The following ZIM2 variants were observed in gnomAD, a reference collection of about 807,000 sequenced individuals.
ZIM2 encodes the protein zinc finger imprinted 2, also known as zinc finger protein 656.
In ZIM2, 14 loss-of-function variants were observed where a neutral mutation model predicts 38.6. The ratio of observed to expected loss-of-function variants is 0.36; its 90% confidence interval spans 0.24 to 0.57. The LOEUF is 0.57. Ranked by LOEUF, ZIM2 falls within the 20% of genes least tolerant of loss-of-function variation. The pLI is 0.81. For missense variants in ZIM2, 680 were observed against 695.1 expected (o/e 0.98, Z 0.24); for synonymous variants, 247 against 245.8 (o/e 1.00, Z -0.04).
At chr19:56,823,459 C>A (rs907897154) in intron 5 of ZIM2, 131 bp downstream of exon 5, 5 of 947,796 alleles carry the variant, frequency 5.3e-6, no homozygotes, top group Non-Finnish European at 8.2e-6. Flanking sequence ...ACCCTCTCCT[C>A]AGATCTCTGA....
intron 1 of ZIM2, among the ~76,000 whole-genome samples, chr19:56,838,613 G>C (rs894783285): frequency 3.9e-5 from 6 of 152,192 alleles, no homozygotes; most frequent in Non-Finnish European, 1.5e-5. Flanking sequence ...CTCTGCCACC[G>C]TTAGCCAAAA....
intron 3 of ZIM2, chr19:56,824,756 G>C (rs961726487): frequency 3.5e-6 from 4 of 1,140,040 alleles, no homozygotes; most frequent in Non-Finnish European, 5.0e-6. Context: ...GGATCGTAAG[G>C]AGATATACAC....
At chr19:56,806,836 TGCA>T (rs1275652686) in intron 9 of ZIM2, among the ~76,000 whole-genome samples, 5 of 152,176 alleles carry the variant, frequency 3.3e-5, no homozygotes, top group Admixed American at 2.0e-4. Context: ...CATGTGAGGA[TGCA>T]GCAAGAAGTC....
chr19:56,790,172 C>T, intron 9 of ZIM2: 1 of 392,754 alleles, frequency 2.5e-6, no homozygotes, highest in Non-Finnish European at 4.5e-6. Context: ...CAATGGCTCC[C>T]ACTGCCTTCC....
Position 56,818,586 on chromosome 19 carries a change from A to C in ZIM2, c.397+14T>G. On this transcript the variant is annotated intron_variant, in intron 8 of 12. Coordinates refer to ENST00000629319, the MANE Select transcript of ZIM2 (RefSeq NM_001387356.1). Reference sequence around the variant, plus strand: ...TGACTGGACTGGGAGTGACTGAGAGAAGCAGCTGCTTACCGAGGGAGAGCA... The same window carrying C: ...TGACTGGACTGGGAGTGACTGAGAGCAGCAGCTGCTTACCGAGGGAGAGCA... 1.2e-6 allele frequency: 2 copies of C among 1,613,942 alleles called. No homozygotes were observed. The highest frequency in any genetic ancestry group is 1.7e-6 in the Non-Finnish European group (2 of 1,179,900).
intron 10 of ZIM2, among the ~76,000 whole-genome samples, chr19:56,787,435 C>G (rs914712996): frequency 2.6e-5 from 4 of 152,040 alleles, no homozygotes; most frequent in Admixed American, 2.0e-4. Flanking sequence ...GCCACCACGC[C>G]CAGCTAATTT....
chr19:56,839,632 C>G (rs756086008), intron 1 of ZIM2, among the ~76,000 whole-genome samples: 1 of 152,204 alleles, frequency 6.6e-6, no homozygotes, highest in East Asian at 1.9e-4. Context: ...TCAACTAGAA[C>G]AGCGCCTACT....
intron 9 of ZIM2, among the ~76,000 whole-genome samples, chr19:56,795,345 G>A (rs909737694): frequency 1.3e-5 from 2 of 152,190 alleles, no homozygotes; most frequent in East Asian, 1.9e-4. Context: ...GAAGCCGCGC[G>A]CTGCCCCGCG....
chr19:56,840,398 G>A (rs1377118386), intron 1 of ZIM2, among the ~76,000 whole-genome samples, 184 bp downstream of exon 1: 3 of 152,166 alleles, frequency 2.0e-5, no homozygotes, highest in East Asian at 3.9e-4. Context: ...CCGCCACTGT[G>A]CCCACTCTCG....
chr19:56,812,352 T>C (rs1472017890), intron 9 of ZIM2: 1 of 983,654 alleles, frequency 1.0e-6, no homozygotes, highest in Non-Finnish European at 1.2e-6. Flanking sequence ...GGAACAGATG[T>C]TAACAAAACA....
rs1243595771 is a variant in ZIM2 at position 56,782,104 on chromosome 19, GTGTT to G, written c.584_587del (p.Lys195ThrfsTer2). On this transcript the variant is annotated frameshift_variant, in exon 11 of 13. Transcript: ENST00000629319. LOFTEE classifies it high-confidence loss of function. The stretch of plus-strand genomic sequence containing the variant: ...CCTCAAACACCAGAAATGTTCCTAA[GTGTT>G]TGAAGTCCGGGAACTATCCCAGAGA... 6.2e-7 allele frequency: 1 copy of G among 1,613,864 alleles called. No individual in the cohort carries two copies. The highest frequency in any genetic ancestry group is 8.5e-7 in the Non-Finnish European group (1 of 1,179,810).
chr19:56,834,954 AACAG>A (rs1471304923), intron 2 of ZIM2, among the ~76,000 whole-genome samples: 4 of 152,110 alleles, frequency 2.6e-5, no homozygotes, highest in African/African-American at 7.2e-5. Context: ...CAAATGAACA[AACAG>A]ACAACCTCTA....
intron 6 of ZIM2, 159 bp downstream of exon 6, chr19:56,822,594 G>T: frequency 1.1e-6 from 1 of 933,450 alleles, no homozygotes; most frequent in Non-Finnish European, 1.6e-6. Context: ...GTACCGAGTG[G>T]AACTTCAAAA....
At chr19:56,824,750 C>T (rs2060855861) in intron 3 of ZIM2, 9 of 1,209,804 alleles carry the variant, frequency 7.4e-6, no homozygotes, top group South Asian at 1.5e-5. Context: ...ACCTGTGGAT[C>T]GTAAGGAGAT....
At chr19:56,791,260 A>G (rs1352586952) in intron 9 of ZIM2, 1 of 152,202 alleles carries the variant, frequency 6.6e-6, no homozygotes, top group African/African-American at 2.4e-5. Flanking sequence ...ACCATGGTCA[A>G]GTTACTCAAC....
intron 12 of ZIM2, among the ~76,000 whole-genome samples, chr19:56,776,870 T>G (rs2046039334): frequency 6.6e-6 from 1 of 152,112 alleles, no homozygotes; most frequent in Admixed American, 6.5e-5. Flanking sequence ...AGTTAAGCTA[T>G]AGAACTGTGA....
intron 9 of ZIM2, chr19:56,798,068 C>T (rs528758295): frequency 6.6e-6 from 1 of 152,104 alleles, no homozygotes; most frequent in Non-Finnish European, 1.5e-5. Context: ...AATGGGAACA[C>T]TGGAAACTTC....
chr19:56,784,360 AT>A (rs764191389), intron 10 of ZIM2, among the ~76,000 whole-genome samples: 4 of 152,198 alleles, frequency 2.6e-5, no homozygotes, highest in Non-Finnish European at 4.4e-5. Flanking sequence ...GATAATCAAT[AT>A]TATTATATTA....
chr19:56,819,478 C>G (rs2060275012), intron 7 of ZIM2, among the ~76,000 whole-genome samples: 1 of 152,172 alleles, frequency 6.6e-6, no homozygotes, highest in Non-Finnish European at 1.5e-5. Context: ...CTGACTAGAA[C>G]TGGTTTCAGG....
Sources: allele counts gnomAD v4.1 joint callset (sites outside exome capture counted in the v4.1 genomes callset), GRCh38; gene constraint gnomAD v4.1.1; transcripts MANE v1.5; gene names NCBI Gene and HGNC (gene_info 2026-07-23, HGNC 2026-07-21).